Variants in COL6A2 observed in about 807,000 individuals in gnomAD.
The protein encoded by COL6A2 is collagen alpha-2(VI) chain.
In COL6A2, 90 loss-of-function variants were observed where a neutral mutation model predicts 124.9. That is an observed-to-expected ratio of 0.72 (90% CI 0.61 to 0.86). COL6A2 has a LOEUF of 0.86. COL6A2 is among the 40% of genes least tolerant of loss of function. COL6A2 has a pLI of 0.00. For missense variants in COL6A2, 1,607 were observed against 1,502.5 expected (o/e 1.07, Z -1.15); for synonymous variants, 793 against 618.2 (o/e 1.28, Z -4.19).
chr21:46,105,018 T>TA (rs1479599437), intron 1 of COL6A2, among the ~76,000 whole-genome samples: 2 of 152,148 alleles, frequency 1.3e-5, no homozygotes, highest in African/African-American at 4.8e-5. Context: ...ACCTGCCCTA[T>TA]AGGAAACGCC....
In COL6A2 at chr21:46,115,416, G is replaced by C. The variant is rs192307087; in HGVS notation, c.802-456G>C. Among the ~76,000 whole-genome samples the C allele has an allele frequency of 1.2e-4, 19 of 152,302 alleles. No individual in the cohort carries two copies. The East Asian group carries it at 3.3e-3, about 26-fold the overall frequency. On this transcript the variant is annotated intron_variant, in intron 5 of 27. Coordinates refer to ENST00000300527, the MANE Select transcript of COL6A2 (RefSeq NM_001849.4). ...TTATTTAATAAAGTTCTGTATCATA[G>C]GTTAAAATTTTAATTCCAAGAGAGT... is the stretch of plus-strand genomic sequence containing the variant.
chr21:46,107,388 A>C (rs140881747), intron 1 of COL6A2, among the ~76,000 whole-genome samples: 73 of 152,284 alleles, frequency 4.8e-4, no homozygotes, highest in Non-Finnish European at 5.1e-4. Context: ...CTGGCATGAC[A>C]CTACACGACC....
In COL6A2 at chr21:46,112,585, G is replaced by A. The variant is rs1489436620; in HGVS notation, c.714+8G>A. The A allele has an allele frequency of 8.7e-6, 14 of 1,611,192 alleles. No homozygotes were observed. The highest frequency in any genetic ancestry group is 4.5e-5 in the East Asian group (2 of 44,810). ...CGCATCATCAAGGTCATGGTGAGCCGCGGGCGGGAGCACCGTCCACGCGCC... is the reference window on the plus strand; with the variant it reads ...CGCATCATCAAGGTCATGGTGAGCCACGGGCGGGAGCACCGTCCACGCGCC... On this transcript the variant is annotated splice_region_variant and intron_variant, in intron 3 of 27. Transcript: ENST00000300527.
At chr21:46,121,713 C>A in intron 18 of COL6A2, 95 bp downstream of exon 18, 1 of 1,264,354 alleles carries the variant, frequency 7.9e-7, no homozygotes, top group Non-Finnish European at 1.1e-6. Context: ...CTGTTGCCGG[C>A]AGACGTGCCT....
At chr21:46,120,635 G>GCCCCC in intron 16 of COL6A2, 58 bp downstream of exon 16, 11 of 1,384,550 alleles carry the variant, frequency 7.9e-6, no homozygotes, top group Middle Eastern at 1.9e-4. Context: ...GTGCAGGGGG[G>GCCCCC]CTGCACCCCA....
chr21:46,118,780 C>T, intron 13 of COL6A2, 104 bp downstream of exon 13: 2 of 1,349,032 alleles, frequency 1.5e-6, no homozygotes, highest in East Asian at 2.5e-5. Context: ...CACCATGGTG[C>T]CGCATTGGGC....
intron 27 of COL6A2, among the ~76,000 whole-genome samples, chr21:46,130,351 G>A (rs1255756314): frequency 6.6e-6 from 1 of 152,300 alleles, no homozygotes; most frequent in Middle Eastern, 3.4e-3. Flanking sequence ...GGAGCGGCAG[G>A]GATCACCATC....
At chr21:46,122,261 G>A in intron 19 of COL6A2, 103 bp downstream of exon 19, 2 of 1,380,508 alleles carry the variant, frequency 1.4e-6, no homozygotes, top group Non-Finnish European at 2.0e-6. Context: ...CTGTGCAGAA[G>A]AAAGTGTGAG....
Position 46,132,549 on chromosome 21 carries a change from C to T in COL6A2, c.3057C>T (p.Cys1019=). 1.3e-6 allele frequency: 2 copies of T among 1,596,558 alleles called. No individual in the cohort carries two copies. The highest frequency in any genetic ancestry group is 1.3e-5 in the African/African-American group (1 of 74,878). ...TCGACCGCTTCATCCGCTGGATCTG[C>T]TAGCGCCGCCGCCCGGGCCCCGCAG... ...GFFDRFIRWI[C] Residue 1019 remains cysteine (C), a synonymous_variant, in exon 28 of 28, where the codon TGC becomes TGT. Coordinates refer to ENST00000300527, the MANE Select transcript of COL6A2 (RefSeq NM_001849.4).
chr21:46,126,352 G>A (rs2078667741), intron 26 of COL6A2, 115 bp downstream of exon 26: 3 of 1,513,310 alleles, frequency 2.0e-6, no homozygotes, highest in Admixed American at 1.7e-5. Flanking sequence ...CCAGGATCTT[G>A]GGCTGTGGGT....
Position 46,129,662 on chromosome 21 carries a change from G to A in COL6A2, c.2462-2292G>A, listed in dbSNP as rs1019855561. 1.0e-4 allele frequency: 143 copies of A among 1,422,714 alleles called. No homozygotes were observed. The African/African-American group carries it at 1.9e-3, about 19-fold the overall frequency. The allele number at this position is 1,422,714 out of a possible 1,614,324, so 88.1% of individuals were successfully genotyped here. A position where few individuals can be genotyped will look rare whatever the true frequency, so the allele number is the denominator to read the frequency against. ...GCTCCCAGCCTCTTCCCATGCTGGTGGCCACCGTGTCCCTTGCTGCGGCTG... is the reference window on the plus strand; with the variant it reads ...GCTCCCAGCCTCTTCCCATGCTGGTAGCCACCGTGTCCCTTGCTGCGGCTG... On this transcript the variant is annotated intron_variant, in intron 27 of 27. Transcript: ENST00000300527.
intron 1 of COL6A2, among the ~76,000 whole-genome samples, chr21:46,108,996 G>A (rs6518272): frequency 0.4 from 60,007 of 151,892 alleles, 13,825 homozygotes; most frequent in Admixed American, 0.55. Context: ...CTCTGTAGGC[G>A]GGTTGTCTTG....
At position 46,132,201 on chromosome 21, in the gene COL6A2, G is replaced by A. The variant is rs750381606; in HGVS notation, c.2709G>A (p.Glu903=). ...GCCACAACCTCACGGCCATCCACGAGGCGCTGGAGACCACACAATACCTGA... is the reference window on the plus strand; with the variant it reads ...GCCACAACCTCACGGCCATCCACGAAGCGCTGGAGACCACACAATACCTGA... ...PLSHNLTAIH[E]ALETTQYLNS... The change falls in exon 28 of 28, where the codon GAG becomes GAA. Residue 903 remains glutamate (E), a synonymous_variant. Coordinates refer to ENST00000300527, the MANE Select transcript of COL6A2 (RefSeq NM_001849.4). The A allele has an allele frequency of 1.3e-6, 2 of 1,582,398 alleles. No individual in the cohort carries two copies. Among genetic ancestry groups the A allele is most frequent in the Admixed American group, 1.8e-5 (1 of 55,486 alleles).
chr21:46,126,087 G>A lies in COL6A2; in HGVS notation c.2272G>A (p.Gly758Ser), dbSNP rs773338647. ...CDRDVTVTAI[G>S]IGDMFHEKHE... ...CCGCGACGTCACAGTGACGGCCATC[G>A]GCATCGGGGACATGTTCCACGAGAA... The change falls in exon 26 of 28, where the codon GGC becomes AGC. Residue 758 changes from glycine to serine, a missense_variant. This residue lies in a region of COL6A2 where 1,223 missense variants were observed against 1,052.2 expected (regional missense o/e 1.16). Coordinates refer to ENST00000300527, the MANE Select transcript of COL6A2 (RefSeq NM_001849.4). 10 of 1,612,748 alleles carry A rather than the reference G, an allele frequency of 6.2e-6. No homozygotes were observed. Among genetic ancestry groups the A allele is most frequent in the African/African-American group, 2.7e-5 (2 of 74,934 alleles).
rs747489864 is a variant in COL6A2, at chr21:46,125,435, T to A, written c.1817-30T>A. 50 of 1,598,876 alleles carry A rather than the reference T, an allele frequency of 3.1e-5. No individual in the cohort carries two copies. The Admixed American group carries it at 8.2e-4, about 26-fold the overall frequency. On this transcript the variant is annotated intron_variant, in intron 24 of 27. Coordinates refer to ENST00000300527, the MANE Select transcript of COL6A2 (RefSeq NM_001849.4). ...ACCCTAGGGTCTGAGGTCTCCCCGG[T>A]ACCCCCCGATGACCCTGCCACCCCC...
intron 27 of COL6A2, among the ~76,000 whole-genome samples, chr21:46,127,748 T>C (rs2839115): frequency 0.85 from 129,597 of 152,106 alleles, 55,596 homozygotes; most frequent in African/African-American, 0.93. Flanking sequence ...CTCTCCACTC[T>C]GGGTCCAGTG....
At chr21:46,115,744 ACTT>A in intron 5 of COL6A2, 125 bp from the exon 6 acceptor site, 1 of 840,734 alleles carries the variant, frequency 1.2e-6, no homozygotes, top group Non-Finnish European at 2.0e-6. Context: ...TGACACCAAG[ACTT>A]CTCCACTTGG....
intron 5 of COL6A2, 34 bp from the exon 6 acceptor site, chr21:46,115,838 C>T (rs773021467): frequency 1.2e-5 from 19 of 1,609,610 alleles, no homozygotes; most frequent in Non-Finnish European, 1.5e-5. Flanking sequence ...GCCCACCCTA[C>T]CCTGCCTCGA....
rs766608032 is a variant in COL6A2, at chr21:46,116,820, G to A, written c.999+6G>A. ...ACGGGACCGATGGACAGAAGGTAGA[G>A]GGAGCCTCGGGCTCACAGCTGGACT... is the stretch of plus-strand genomic sequence containing the variant. On this transcript the variant is annotated splice_donor_region_variant and intron_variant, in intron 10 of 27. Transcript: ENST00000300527. The surrounding 1 kb of genome is among the most constrained non-coding windows in gnomAD (Gnocchi z 4.6). 14 of 1,612,674 alleles carry A rather than the reference G, an allele frequency of 8.7e-6. No individual in the cohort carries two copies. In the East Asian group the frequency reaches 2.2e-4, roughly 26 times the overall value.
Sources: gnomAD v4.1 joint callset for allele counts (sites outside exome capture counted in the v4.1 genomes callset) on GRCh38, gnomAD v4.1.1 for gene constraint, gnomAD v4.1.1 regional missense constraint, Gnocchi (gnomAD v3.1) non-coding constraint, MANE v1.5 for transcripts, NCBI Gene and HGNC (gene_info 2026-07-23, HGNC 2026-07-21) for gene names.